Variants in PLEC observed in about 807,000 individuals in gnomAD.
The protein encoded by PLEC is plectin.
PLEC carries 216 observed loss-of-function variants against 392.8 expected under a neutral mutation model. The observed-to-expected ratio is 0.55, with a 90% confidence interval of 0.49 to 0.62. The LOEUF is 0.62. Ranked by LOEUF, PLEC falls within the 20% of genes least tolerant of loss-of-function variation. The probability of loss-of-function intolerance (pLI) is 0.00; values close to 1 mark genes in which losing one functional copy is unlikely to be tolerated. For synonymous variants in PLEC, 3,621 were observed against 2,980.6 expected (o/e 1.21, Z -7.00); for missense variants, 6,863 against 6,563.4 (o/e 1.05, Z -1.58).
At chr8:143,944,358 G>A (rs180684520), upstream of PLEC, among the ~76,000 whole-genome samples, 67 of 152,272 alleles carry the variant, frequency 4.4e-4, no homozygotes, top group African/African-American at 1.6e-3. Flanking sequence ...TGCCTCCAAG[G>A]CTGCCCTCTG....
upstream of PLEC, among the ~76,000 whole-genome samples, chr8:143,954,935 C>T (rs1285286521): frequency 6.6e-6 from 1 of 152,190 alleles, no homozygotes; most frequent in Non-Finnish European, 1.5e-5. This position sits in a 1 kb window ranked among gnomAD's most constrained non-coding sequence, Gnocchi z 4.6. Context: ...ACCCACTGTG[C>T]GCCAGGCTGG....
At chr8:143,973,609 C>T, upstream of PLEC, 1 of 838,600 alleles carries the variant, frequency 1.2e-6, no homozygotes, top group Non-Finnish European at 1.4e-6. This position sits in a 1 kb window ranked among gnomAD's most constrained non-coding sequence, Gnocchi z 5.6. Flanking sequence ...GGATGCCCCA[C>T]GGGCGGGGCG....
Position 143,922,275 on chromosome 8 carries a change from G to C in PLEC, c.7546C>G (p.Leu2516Val). 3 of 1,604,862 alleles carry C rather than the reference G, an allele frequency of 1.9e-6. No individual in the cohort carries two copies. Among genetic ancestry groups the C allele is most frequent in the Non-Finnish European group, 2.5e-6 (3 of 1,178,484 alleles). ...ACCTCGTCCTGGAAGAGCTGCTCCA[G>C]CTTGGCCTTCTCCTGCTCGATGAAG... ...ERFIEQEKAK[L>V]EQLFQDEVAK... The change falls in exon 32 of 32, where the codon CTG (leucine) becomes GTG (valine). Residue 2516 changes from leucine to valine, a missense_variant. Physicochemically the swap from Leu to Val is conservative, Grantham distance 32. Coordinates refer to ENST00000345136, the MANE Select transcript of PLEC (RefSeq NM_201384.3).
upstream of PLEC, among the ~76,000 whole-genome samples, chr8:143,956,863 T>C (rs1255377720): frequency 1.3e-5 from 2 of 152,198 alleles, no homozygotes; most frequent in African/African-American, 4.8e-5. Context: ...GCGGCCACGA[T>C]GACCCTGGGA....
At position 143,938,646 on chromosome 8, in the gene PLEC, G is replaced by A. The variant is rs1554725866; in HGVS notation, c.159C>T (p.Asn53=). The A allele has an allele frequency of 2.5e-6, 4 of 1,613,830 alleles. No homozygotes were observed. Among genetic ancestry groups the A allele is most frequent in the Non-Finnish European group, 3.4e-6 (4 of 1,179,928 alleles). The change falls in exon 2 of 32, where the codon AAC becomes AAT. Residue 53 remains asparagine, a synonymous_variant. Transcript: ENST00000345136. The part of the protein sequence containing the change: ...VQKKTFTKWV[N]KHLIKAQRHI... Reference sequence around the variant, plus strand: ...CGCCACCAACCTTGATGAGGTGCTTGTTGACCCACTTGGTGAAGGTTTTCT... The same window carrying A: ...CGCCACCAACCTTGATGAGGTGCTTATTGACCCACTTGGTGAAGGTTTTCT...
In PLEC at chr8:143,923,607, G is replaced by A. The variant is rs782205128; in HGVS notation, c.6322C>T (p.Arg2108Trp). Residue 2108 changes from arginine (R) to tryptophan (W), a missense_variant, in exon 31 of 32, where the codon CGG (arginine) becomes TGG (tryptophan). Arg to Trp is a moderately radical substitution (Grantham distance 101). Coordinates refer to ENST00000345136, the MANE Select transcript of PLEC (RefSeq NM_201384.3). ...CGCTCGGCCTCTTCCACCTGCCGCC[G>A]GGACTGCGCCGCCTCACGCTCCGCC... ...VQAEREAAQSRRQVEEAERLK... is the reference protein window; with the variant it reads ...VQAEREAAQSWRQVEEAERLK... 31 of 1,592,818 alleles carry A rather than the reference G, an allele frequency of 1.9e-5. No individual in the cohort carries two copies. Among genetic ancestry groups the A allele is most frequent in the Admixed American group, 6.7e-5 (4 of 59,618 alleles).
intron 1 of PLEC, chr8:143,944,785 G>C: frequency 2.8e-6 from 3 of 1,084,446 alleles, no homozygotes; most frequent in East Asian, 3.2e-5. Context: ...GGGCACGGCC[G>C]TGCTGCTGTC....
intron 19 of PLEC, among the ~76,000 whole-genome samples, chr8:143,931,001 C>T (rs1352656044): frequency 1.3e-5 from 2 of 152,198 alleles, no homozygotes; most frequent in Admixed American, 6.5e-5. Context: ...ACTGTGCACC[C>T]GCCCTCCTGG....
chr8:143,933,423 G>A (rs1307395906), intron 12 of PLEC, 72 bp from the exon 13 acceptor site: 49 of 1,580,198 alleles, frequency 3.1e-5, no homozygotes, highest in African/African-American at 8.1e-5. Context: ...CGGCCAAGAC[G>A]GCCACCCTCA....
chr8:143,926,439 AC>A (rs1825210232), intron 30 of PLEC, among the ~76,000 whole-genome samples: 1 of 152,030 alleles, frequency 6.6e-6, no homozygotes, highest in Non-Finnish European at 1.5e-5. Flanking sequence ...ACAACTCAGC[AC>A]CCCCGACTTC....
Position 143,969,395 on chromosome 8 carries a change from A to G in PLEC, c.70+4008T>C, listed in dbSNP as rs150753908. ...GTGGCAGGAGAGCTCTGGGCACCCT[A>G]TGGGAGAGGCCTCCGTGCTGAGGGC... On this transcript the variant is annotated intron_variant, in intron 1 of 31. Transcript: ENST00000356346. The surrounding 1 kb of genome is among the most constrained non-coding windows in gnomAD (Gnocchi z 5.1). Among the ~76,000 whole-genome samples the G allele has an allele frequency of 2.5e-4, 38 of 152,220 alleles. No individual in the cohort carries two copies. The highest frequency in any genetic ancestry group is 3.4e-3 in the Middle Eastern group (1 of 294).
intron 1 of PLEC, among the ~76,000 whole-genome samples, chr8:143,947,802 C>T (rs983094277): frequency 6.6e-6 from 1 of 152,190 alleles, no homozygotes; most frequent in Admixed American, 6.5e-5. Flanking sequence ...CATATAAAAA[C>T]ACATTCCTAC....
intron 1 of PLEC, among the ~76,000 whole-genome samples, chr8:143,972,418 C>T (rs1390629072): frequency 1.1e-4 from 17 of 152,284 alleles, no homozygotes; most frequent in African/African-American, 3.6e-4. Context: ...CCAGAGCCGT[C>T]GCTGGAGGAC....
In PLEC at chr8:143,934,015, C is replaced by T. The variant is rs782674838; in HGVS notation, c.1246G>A (p.Asp416Asn). ...CCCCTCACCGACTGCAGCAGGGCGT[C>T]GGCCTGGTTCAGCTGCTCCTCACAC... is the stretch of plus-strand genomic sequence containing the variant. ...GLCEEQLNQA[D>N]ALLQSDVRLL... The change falls in exon 12 of 32, where the codon GAC (aspartate) becomes AAC (asparagine). Residue 416 changes from aspartate (D) to asparagine (N), a missense_variant. Transcript: ENST00000345136. 2.0e-5 allele frequency: 33 copies of T among 1,610,494 alleles called. No individual in the cohort carries two copies. Among genetic ancestry groups the T allele is most frequent in the East Asian group, 8.9e-5 (4 of 44,702 alleles).
intron 1 of PLEC, among the ~76,000 whole-genome samples, chr8:143,947,927 G>C (rs1831691141): frequency 6.6e-6 from 1 of 152,150 alleles, no homozygotes; most frequent in Non-Finnish European, 1.5e-5. Flanking sequence ...GCTGCTCCTG[G>C]CAGGGTAGGC....
At chr8:143,942,245 G>T, upstream of PLEC, 1 of 908,990 alleles carries the variant, frequency 1.1e-6, no homozygotes, top group Non-Finnish European at 1.7e-6. Flanking sequence ...CTCCCCAGGT[G>T]TTTCCGGAGC....
chr8:143,932,073 G>A (rs781805014), intron 17 of PLEC, 41 bp from the exon 18 acceptor site: 103 of 1,557,012 alleles, frequency 6.6e-5, no homozygotes, highest in Middle Eastern at 2.3e-4. Flanking sequence ...GCCCCGCCCC[G>A]CCTGGGGACC....
chr8:143,940,099 C>T (rs1384386837), upstream of PLEC, among the ~76,000 whole-genome samples: 6 of 152,238 alleles, frequency 3.9e-5, no homozygotes, highest in Non-Finnish European at 8.8e-5. Context: ...CCCCCAATCA[C>T]ACCTCTTCAC....
In PLEC at chr8:143,929,804, T is replaced by C. The variant is rs1554712098; in HGVS notation, c.2765A>G (p.Gln922Arg). ...ATFRTLKPEE[Q>R]RQALHSLELH... ...CTCCAGGCTGTGCAGGGCTTGGCGC[T>C]GCTCCTCTGGCTTCAGGGTGCGGAA... The change falls in exon 23 of 32, where the codon CAG becomes CGG. Residue 922 changes from glutamine to arginine, a missense_variant. Physicochemically the swap from Gln to Arg is conservative, Grantham distance 43. Transcript: ENST00000345136. 2 of 1,598,886 alleles carry C rather than the reference T, an allele frequency of 1.3e-6. No homozygotes were observed. The highest frequency in any genetic ancestry group is 2.2e-5 in the East Asian group (1 of 44,736).
Sources: allele counts gnomAD v4.1 joint callset (sites outside exome capture counted in the v4.1 genomes callset), GRCh38; gene constraint gnomAD v4.1.1; non-coding constraint Gnocchi (gnomAD v3.1); transcripts MANE v1.5; gene names NCBI Gene and HGNC (gene_info 2026-07-23, HGNC 2026-07-21).